The following DLGAP5 variants were observed in gnomAD, a reference collection of about 807,000 sequenced individuals.
DLGAP5 encodes DLG associated protein 5, also known as disks large-associated protein 5.
In DLGAP5, 90 loss-of-function variants were observed where a neutral mutation model predicts 99.6. The ratio of observed to expected loss-of-function variants is 0.90; its 90% confidence interval spans 0.76 to 1.08. The LOEUF is 1.08. Among genes scored for constraint, DLGAP5 ranks in the 50% least tolerant of loss-of-function variants. The pLI is 0.00. For synonymous variants in DLGAP5, 311 were observed against 321.3 expected, an observed-to-expected ratio of 0.97 and a Z score of 0.34; for missense variants, 1,036 against 983.5, an observed-to-expected ratio of 1.05 and a Z score of -0.71.
At chr14:55,175,593 T>A (rs1883033262) in intron 9 of DLGAP5, 121 bp from the exon 10 acceptor site, 1 of 705,852 alleles carries the variant, frequency 1.4e-6, no homozygotes, top group Admixed American at 3.3e-5. Flanking sequence ...TATTTCTGCC[T>A]CAATCACTTC....
intron 18 of DLGAP5, chr14:55,148,797 C>T (rs928927554): frequency 1.6e-5 from 6 of 368,392 alleles, no homozygotes; most frequent in Non-Finnish European, 3.1e-5. Flanking sequence ...ATGTATATTA[C>T]AGTTTTTTTT....
chr14:55,159,957 C>T (rs1882359698), intron 13 of DLGAP5, among the ~76,000 whole-genome samples: 1 of 152,190 alleles, frequency 6.6e-6, no homozygotes, highest in Admixed American at 6.5e-5. Context: ...AATCCCCGCA[C>T]TTTGGGAGGC....
At chr14:55,179,430 C>T (rs919086299) in intron 7 of DLGAP5, among the ~76,000 whole-genome samples, 199 bp downstream of exon 7, 1 of 152,176 alleles carries the variant, frequency 6.6e-6, no homozygotes, top group Non-Finnish European at 1.5e-5. Context: ...TATGCTTTCT[C>T]TACCTATAAA....
At chr14:55,148,645 G>A (rs1403964607) in intron 18 of DLGAP5, 172 bp from the exon 19 acceptor site, 1 of 1,421,204 alleles carries the variant, frequency 7.0e-7, no homozygotes, top group South Asian at 1.2e-5. Flanking sequence ...CTTGAACCCA[G>A]GACTTCAAGA....
At chr14:55,159,689 T>A (rs1196697056) in intron 13 of DLGAP5, among the ~76,000 whole-genome samples, 1 of 152,140 alleles carries the variant, frequency 6.6e-6, no homozygotes, top group Admixed American at 6.5e-5. Context: ...TAAGGTATAT[T>A]GAGTCATGAT....
At chr14:55,169,343 A>T (rs1319520879) in intron 12 of DLGAP5, 56 bp downstream of exon 12, 11 of 63,030 alleles carry the variant, frequency 1.7e-4, no homozygotes, top group African/African-American at 1.5e-3. Context: ...CCTGCTACTT[A>T]AAAAAAAAAA....
intron 12 of DLGAP5, among the ~76,000 whole-genome samples, chr14:55,164,759 T>TA (rs1882576796): frequency 6.6e-6 from 1 of 151,776 alleles, no homozygotes; most frequent in Admixed American, 6.6e-5. Flanking sequence ...TCATCTCTAC[T>TA]AAAAATACAA....
At chr14:55,174,310 T>C (rs531675625) in intron 10 of DLGAP5, among the ~76,000 whole-genome samples, 1 of 152,346 alleles carries the variant, frequency 6.6e-6, no homozygotes, top group East Asian at 1.9e-4. Flanking sequence ...CTCAAAACCC[T>C]GTCTCCTGAT....
At chr14:55,181,167 G>A in intron 5 of DLGAP5, 46 bp downstream of exon 5, 3 of 1,543,426 alleles carry the variant, frequency 1.9e-6, no homozygotes, top group Non-Finnish European at 2.7e-6. Flanking sequence ...AAAAATTATG[G>A]CTGTGGTAGC....
At chr14:55,173,430 A>G (rs1195766628) in intron 10 of DLGAP5, among the ~76,000 whole-genome samples, 1 of 152,162 alleles carries the variant, frequency 6.6e-6, no homozygotes, top group Admixed American at 6.5e-5. Flanking sequence ...TTTCAAAACA[A>G]AAGAAAAGAA....
chr14:55,154,061 A>C (rs1197130310), intron 15 of DLGAP5, among the ~76,000 whole-genome samples: 2 of 152,138 alleles, frequency 1.3e-5, no homozygotes, highest in Non-Finnish European at 2.9e-5. Context: ...ACCTCCAAAA[A>C]ACAAACAAAA....
Position 55,150,898 on chromosome 14 carries a change from G to T in DLGAP5, c.2369-50C>A, listed in dbSNP as rs1219098426. 15 of 1,288,984 alleles carry T rather than the reference G, an allele frequency of 1.2e-5. No homozygotes were observed. In the East Asian group the frequency reaches 3.8e-4, roughly 32 times the overall value. 79.8% of individuals were successfully genotyped at this position (1,288,984 alleles called of 1,614,324 possible). ...TTTAAAGAATATTCTCACATTCGAG[G>T]GCTGTTAGAAATGGACAAAGCCATG... On this transcript the variant is annotated intron_variant, in intron 17 of 18. Coordinates refer to ENST00000247191, the MANE Select transcript of DLGAP5 (RefSeq NM_014750.5).
rs181931242 is a variant in DLGAP5, at chr14:55,148,612, G to A, written c.2419-139C>T. Reference sequence around the variant, plus strand: ...TGCACACCTGTAGTCCCAGCTACTCGGGAGGCTGAGGTGGTAGGATCACTT... The same window carrying A: ...TGCACACCTGTAGTCCCAGCTACTCAGGAGGCTGAGGTGGTAGGATCACTT... On this transcript the variant is annotated intron_variant, in intron 18 of 18. Coordinates refer to ENST00000247191, the MANE Select transcript of DLGAP5 (RefSeq NM_014750.5). The A allele has an allele frequency of 1.8e-3, 2,759 of 1,529,466 alleles. 15 individuals are homozygous for A. Among genetic ancestry groups the A allele is most frequent in the African/African-American group, 0.012 (852 of 72,958 alleles). 94.7% of individuals were successfully genotyped at this position (1,529,466 alleles called of 1,614,324 possible).
intron 10 of DLGAP5, among the ~76,000 whole-genome samples, 162 bp downstream of exon 10, chr14:55,175,184 C>A (rs1883015975): frequency 6.6e-6 from 1 of 152,076 alleles, no homozygotes; most frequent in Non-Finnish European, 1.5e-5. Flanking sequence ...AATTAGGAAC[C>A]ACATGAATGT....
intron 12 of DLGAP5, among the ~76,000 whole-genome samples, chr14:55,166,057 C>T (rs912500163): frequency 6.6e-6 from 1 of 152,014 alleles, no homozygotes; most frequent in African/African-American, 2.4e-5. Context: ...GGCATCTGCC[C>T]AAGAGAAATT....
chr14:55,170,678 CA>C, intron 11 of DLGAP5, 23 bp downstream of exon 11: 46 of 1,589,080 alleles, frequency 2.9e-5, no homozygotes, highest in Non-Finnish European at 3.8e-5. Context: ...ACAAAGCAAA[CA>C]AAAAATACAA....
In DLGAP5 at chr14:55,177,326, CAAGA is replaced by C. The variant is rs747790420; in HGVS notation, c.781_784del (p.Ser261ValfsTer10). On this transcript the variant is annotated frameshift_variant, in exon 8 of 19. Transcript: ENST00000247191. LOFTEE classifies it high-confidence loss of function. Reference sequence around the variant, plus strand: ...AGTATTTTCTTCACTATCGACTTTACAAGAAATACCCTAGGATGTGAGTTAACAA... The same window carrying C: ...AGTATTTTCTTCACTATCGACTTTACAATACCCTAGGATGTGAGTTAACAA... 6.3e-7 allele frequency: 1 copy of C among 1,596,402 alleles called. No individual in the cohort carries two copies. Among genetic ancestry groups the C allele is most frequent in the Non-Finnish European group, 8.5e-7 (1 of 1,173,114 alleles).
At chr14:55,167,239 G>C (rs774259113) in intron 12 of DLGAP5, among the ~76,000 whole-genome samples, 2 of 130,824 alleles carry the variant, frequency 1.5e-5, no homozygotes, top group Middle Eastern at 9.2e-3. Context: ...GGGTGACAAA[G>C]CAAGACTCCA....
chr14:55,152,049 G>T (rs79682078), intron 16 of DLGAP5, 108 bp from the exon 17 acceptor site: 15,942 of 1,009,614 alleles, frequency 0.016, 192 homozygotes, highest in Non-Finnish European at 0.02. Flanking sequence ...ATGACATCCC[G>T]GACACAGTCT....
Sources: allele counts gnomAD v4.1 joint callset (sites outside exome capture counted in the v4.1 genomes callset), GRCh38; gene constraint gnomAD v4.1.1; transcripts MANE v1.5; gene names NCBI Gene and HGNC (gene_info 2026-07-23, HGNC 2026-07-21).